GOLGB1: variants seen among roughly 807,000 people sequenced by gnomAD.
The protein encoded by GOLGB1 is golgin B1.
A neutral mutation model predicts 336.9 loss-of-function variants in GOLGB1; 174 were observed. That is an observed-to-expected ratio of 0.52 (90% CI 0.46 to 0.59). The LOEUF is 0.59. Ranked by LOEUF, GOLGB1 falls within the 20% of genes least tolerant of loss-of-function variation. The pLI, the probability that GOLGB1 is intolerant of heterozygous loss-of-function variation, is 0.00. For synonymous variants in GOLGB1, 1,208 were observed against 1,289.2 expected (o/e 0.94, Z 1.35); for missense variants, 3,331 against 3,645.3 (o/e 0.91, Z 2.22).
chr3:121,722,250 T>G lies in GOLGB1; in HGVS notation c.648+12A>C. On this transcript the variant is annotated intron_variant, in intron 6 of 21. Coordinates refer to ENST00000614479, the MANE Select transcript of GOLGB1 (RefSeq NM_001366282.2). ...TTCATAGCTCTTTATCCTAATTTTG[T>G]GAGGTCCCTACCTGTGCAGCTTGCT... The G allele has an allele frequency of 2.7e-5, 40 of 1,465,068 alleles. No individual in the cohort carries two copies. Among genetic ancestry groups the G allele is most frequent in the Non-Finnish European group, 3.2e-5 (34 of 1,046,558 alleles). The allele number at this position is 1,465,068 out of a possible 1,614,324, so 90.8% of individuals were successfully genotyped here.
chr3:121,697,480 T>C lies in GOLGB1; in HGVS notation c.3043A>G (p.Ser1015Gly). The C allele has an allele frequency of 6.2e-7, 1 of 1,611,768 alleles. No homozygotes were observed. The highest frequency in any genetic ancestry group is 8.5e-7 in the Non-Finnish European group (1 of 1,179,564). Reference protein sequence around the residue: ...INRKELLQRVSRLEEELANLK... With the variant: ...INRKELLQRVGRLEEELANLK... ...TTGGCTAATTCTTCTTCCAATCTAC[T>C]GACTCTTTGCAGAAGCTCCTTTCTG... Residue 1015 changes from serine to glycine, a missense_variant, in exon 13 of 22, where the codon AGT becomes GGT. By Grantham distance (56) the Ser-to-Gly change is moderately conservative (BLOSUM62 0). Transcript: ENST00000614479.
intron 1 of GOLGB1, among the ~76,000 whole-genome samples, chr3:121,744,887 A>G (rs1202271539): frequency 1.3e-5 from 2 of 152,160 alleles, no homozygotes; most frequent in African/African-American, 4.8e-5. Context: ...CCAAACTGGA[A>G]GCCAAGGAAC....
At chr3:121,671,871 C>T (rs1939585486) in intron 17 of GOLGB1, among the ~76,000 whole-genome samples, 4 of 146,710 alleles carry the variant, frequency 2.7e-5, no homozygotes, top group Non-Finnish European at 3.0e-5. Context: ...TTTTTTTTTG[C>T]TCCCACACGA....
intron 11 of GOLGB1, 23 bp from the exon 12 acceptor site, chr3:121,699,908 C>A: frequency 7.1e-7 from 1 of 1,415,300 alleles, no homozygotes. Flanking sequence ...AAATAAATAT[C>A]TTTAGAAGAT....
intron 5 of GOLGB1, among the ~76,000 whole-genome samples, chr3:121,723,603 G>A (rs1016714837): frequency 6.6e-6 from 1 of 152,126 alleles, no homozygotes; most frequent in Non-Finnish European, 1.5e-5. Context: ...CCAGTGTGTG[G>A]ATATACCACA....
intron 13 of GOLGB1, 35 bp from the exon 14 acceptor site, chr3:121,692,616 C>A: frequency 7.7e-7 from 1 of 1,291,964 alleles, no homozygotes; most frequent in South Asian, 1.5e-5. Flanking sequence ...TTACAGATTT[C>A]AAGAAAAAAA....
At position 121,729,984 on chromosome 3, in the gene GOLGB1, T is replaced by G; in HGVS notation, c.130A>C (p.Asn44His). 1.2e-6 allele frequency: 2 copies of G among 1,611,960 alleles called. No homozygotes were observed. Among genetic ancestry groups the G allele is most frequent in the Non-Finnish European group, 1.7e-6 (2 of 1,178,494 alleles). ...LHQESDMEFN[N>H]TTQEDVQERL... The stretch of plus-strand genomic sequence containing the variant: ...TCCTGAACATCTTCTTGTGTAGTAT[T>G]ATTAAATTCCATGTCAGATTCTTGG... Residue 44 changes from asparagine to histidine, a missense_variant, in exon 3 of 22, where the codon AAT (asparagine) becomes CAT (histidine). By Grantham distance (68) the Asn-to-His change is moderately conservative. Transcript: ENST00000614479.
chr3:121,689,459 C>T (rs1277884009), intron 14 of GOLGB1, among the ~76,000 whole-genome samples: 3 of 150,814 alleles, frequency 2.0e-5, no homozygotes, highest in Non-Finnish European at 4.4e-5. Flanking sequence ...GCAGCATGCT[C>T]GTTAAGAGTC....
chr3:121,727,872 T>C (rs907099577), intron 4 of GOLGB1, among the ~76,000 whole-genome samples: 21 of 152,220 alleles, frequency 1.4e-4, no homozygotes, highest in African/African-American at 4.8e-4. Flanking sequence ...CCTAGCTCTG[T>C]ATTGAGTATA....
rs761479437 is a variant in GOLGB1, at chr3:121,698,819, C to A, written c.1704G>T (p.Leu568Phe). Residue 568 changes from leucine (L) to phenylalanine (F), a missense_variant, in exon 13 of 22, where the codon TTG becomes TTT. Leu to Phe is a conservative substitution (Grantham distance 22). Coordinates refer to ENST00000614479, the MANE Select transcript of GOLGB1 (RefSeq NM_001366282.2). ...SQKHKELSVL[L>F]LEMKEAQEEI... ...CCTCTTGAGCTTCTTTCATTTCCAACAATAAAACTGATAATTCTTTATGTT... is the reference window on the plus strand; with the variant it reads ...CCTCTTGAGCTTCTTTCATTTCCAAAAATAAAACTGATAATTCTTTATGTT... 1 of 1,613,110 alleles carries A rather than the reference C, an allele frequency of 6.2e-7. No homozygotes were observed. The highest frequency in any genetic ancestry group is 2.2e-5 in the East Asian group (1 of 44,860).
rs755561097 is a variant in GOLGB1 at position 121,696,949 on chromosome 3, G to C, written c.3574C>G (p.Arg1192Gly). ...TGTGCCTTTTTAAGAATTGCCTTGC[G>C]GGAGGTTAAGGCTTCCTGTAGCTTC... The part of the protein sequence containing the change: ...QKKLQEALTS[R>G]KAILKKAQEK... The change falls in exon 13 of 22, where the codon CGC (arginine) becomes GGC (glycine). Residue 1192 changes from arginine (R) to glycine (G), a missense_variant. Arg to Gly is a moderately radical substitution (Grantham distance 125). Transcript: ENST00000614479. 1.3e-5 allele frequency: 21 copies of C among 1,613,756 alleles called. No individual in the cohort carries two copies. Among genetic ancestry groups the C allele is most frequent in the Non-Finnish European group, 1.7e-5 (20 of 1,179,930 alleles).
rs367648327 is a variant in GOLGB1, at chr3:121,684,589, T to C, written c.8695-2724A>G. Among the ~76,000 whole-genome samples the C allele has an allele frequency of 2.9e-3, 439 of 152,166 alleles. 2 individuals carry two copies. Among genetic ancestry groups the C allele is most frequent in the African/African-American group, 0.01 (424 of 41,508 alleles). ...CAGATCACATACAAAGGATCAGGAA[T>C]CAGAATAGCTTTAGACTTGTGAACC... On this transcript the variant is annotated intron_variant, in intron 14 of 21. Transcript: ENST00000614479.
chr3:121,740,686 G>T (rs1464885161), intron 1 of GOLGB1, among the ~76,000 whole-genome samples: 4 of 152,106 alleles, frequency 2.6e-5, no homozygotes, highest in African/African-American at 9.7e-5. Context: ...TTTAAAAAAT[G>T]TAAGAAATTA....
intron 1 of GOLGB1, among the ~76,000 whole-genome samples, chr3:121,732,652 C>T (rs867055365): frequency 2.6e-5 from 4 of 152,134 alleles, no homozygotes; most frequent in African/African-American, 9.7e-5. Context: ...GCATTTGACA[C>T]ATTTCAATAT....
intron 14 of GOLGB1, among the ~76,000 whole-genome samples, chr3:121,689,912 T>A (rs1051492508): frequency 2.0e-5 from 3 of 152,252 alleles, no homozygotes; most frequent in African/African-American, 4.8e-5. Context: ...TGCTTGAGCC[T>A]AGGAGCAGTA....
Position 121,694,811 on chromosome 3 carries a change from C to G in GOLGB1, c.5712G>C (p.Gln1904His). The stretch of plus-strand genomic sequence containing the variant: ...CTCTGGAGAGTTCTTCTTGGATTTG[C>G]TGATTTAACAGGTTCATTTTGGTTA... ...EEVTKMNLLN[Q>H]QIQEELSRVT... Residue 1904 changes from glutamine (Q) to histidine (H), a missense_variant, in exon 13 of 22, where the codon CAG (glutamine) becomes CAC (histidine). Transcript: ENST00000614479. The G allele has an allele frequency of 6.2e-7, 1 of 1,613,658 alleles. No individual in the cohort carries two copies. The highest frequency in any genetic ancestry group is 1.7e-5 in the Admixed American group (1 of 60,014).
chr3:121,710,529 T>C (rs1034006641), intron 10 of GOLGB1, among the ~76,000 whole-genome samples: 2 of 152,226 alleles, frequency 1.3e-5, no homozygotes, highest in Admixed American at 6.5e-5. Flanking sequence ...CACTTATATA[T>C]GCACATTTTT....
intron 13 of GOLGB1, 24 bp from the exon 14 acceptor site, chr3:121,692,605 G>C: frequency 7.2e-7 from 1 of 1,391,718 alleles, no homozygotes; most frequent in South Asian, 1.4e-5. Context: ...AAGGTCATTA[G>C]TTACAGATTT....
At position 121,696,329 on chromosome 3, in the gene GOLGB1, T is replaced by C. The variant is rs779043410; in HGVS notation, c.4194A>G (p.Lys1398=). 6.2e-7 allele frequency: 1 copy of C among 1,614,114 alleles called. No individual in the cohort carries two copies. The highest frequency in any genetic ancestry group is 2.2e-5 in the East Asian group (1 of 44,878). The change falls in exon 13 of 22, where the codon AAA becomes AAG. Residue 1398 remains lysine (K), a synonymous_variant. Coordinates refer to ENST00000614479, the MANE Select transcript of GOLGB1 (RefSeq NM_001366282.2). ...TTATGAGTTTTTGCAGTTCATCCAG[T>C]TTAGGTTGCAATTCTCTTAGATGTT... ...GLEHLRELQP[K]LDELQKLISK...
Sources: gnomAD v4.1 joint callset for allele counts (sites outside exome capture counted in the v4.1 genomes callset) on GRCh38, gnomAD v4.1.1 for gene constraint, MANE v1.5 for transcripts, NCBI Gene and HGNC (gene_info 2026-07-23, HGNC 2026-07-21) for gene names.